Variants in COLEC12 observed in about 807,000 individuals in gnomAD.
The protein encoded by COLEC12 is collectin-12.
In COLEC12, 33 loss-of-function variants were observed where a neutral mutation model predicts 71.1. The ratio of observed to expected loss-of-function variants is 0.46; its 90% CI spans 0.35 to 0.62. The LOEUF is 0.62. COLEC12 is among the 20% of genes least tolerant of loss of function. The probability of loss-of-function intolerance (pLI) is 0.00; values close to 1 mark genes in which losing one functional copy is unlikely to be tolerated. For missense variants in COLEC12, 765 were observed against 916.1 expected, an observed-to-expected ratio of 0.84 and a Z score of 2.13; for synonymous variants, 350 against 353.0, an observed-to-expected ratio of 0.99 and a Z score of 0.10.
chr18:329,286 T>G (rs1913916053), intron 8 of COLEC12, among the ~76,000 whole-genome samples: 1 of 152,186 alleles, frequency 6.6e-6, no homozygotes. Context: ...GGGGAAAGGC[T>G]TAAGATTGAA....
At chr18:437,662 A>G (rs1182799435) in intron 2 of COLEC12, among the ~76,000 whole-genome samples, 4 of 152,226 alleles carry the variant, frequency 2.6e-5, no homozygotes, top group Non-Finnish European at 5.9e-5. Flanking sequence ...TCTGATTTGG[A>G]TAAGTGGCTT....
At chr18:321,540 G>T in intron 9 of COLEC12, 122 bp downstream of exon 9, 1 of 978,128 alleles carries the variant, frequency 1.0e-6, no homozygotes, top group Non-Finnish European at 1.5e-6. Context: ...GTTAATAAAT[G>T]GCATAACCAG....
intron 2 of COLEC12, among the ~76,000 whole-genome samples, chr18:432,943 A>G (rs1916334014): frequency 6.6e-6 from 1 of 152,172 alleles, no homozygotes; most frequent in Non-Finnish European, 1.5e-5. Flanking sequence ...TGTGTCACTG[A>G]GGAAGTTTTG....
intron 2 of COLEC12, among the ~76,000 whole-genome samples, chr18:450,038 A>G (rs755152397): frequency 9.2e-5 from 14 of 152,236 alleles, no homozygotes; most frequent in Admixed American, 4.6e-4. Context: ...TATTAGTAGA[A>G]TATTTAGTGA....
At chr18:353,170 A>C (rs1333753155) in intron 3 of COLEC12, among the ~76,000 whole-genome samples, 1 of 151,926 alleles carries the variant, frequency 6.6e-6, no homozygotes. Context: ...TCCGCTCCAC[A>C]CCTCACTACC....
Position 480,329 on chromosome 18 carries a change from G to A in COLEC12, c.58+378C>T, listed in dbSNP as rs970248975. ...CACTCATCCATGAACACTGGGTTAG[G>A]AGTGTAAGGCCTGAGCAAAGACGTT... On this transcript the variant is annotated intron_variant, in intron 2 of 9. Transcript: ENST00000400256. The surrounding 1 kb of genome is among the most constrained non-coding windows in gnomAD (Gnocchi z 4.1). 1.3e-5 allele frequency among the ~76,000 whole-genome samples: 2 copies of A among 152,226 alleles called. No individual in the cohort carries two copies. Among genetic ancestry groups the A allele is most frequent in the African/African-American group, 4.8e-5 (2 of 41,464 alleles).
At chr18:337,998 C>G (rs1038979799) in intron 5 of COLEC12, among the ~76,000 whole-genome samples, 1 of 152,186 alleles carries the variant, frequency 6.6e-6, no homozygotes, top group African/African-American at 2.4e-5. Context: ...TCCACTCTGA[C>G]TTTTGTCTTC....
chr18:435,304 G>A (rs971595024), intron 2 of COLEC12, among the ~76,000 whole-genome samples: 1 of 152,174 alleles, frequency 6.6e-6, no homozygotes, highest in African/African-American at 2.4e-5. Flanking sequence ...CCACATTGCT[G>A]GGGAGGCCTC....
chr18:318,212 C>A lies in COLEC12; in HGVS notation c.*1833G>T, dbSNP rs1203728659. ...AGCCAGGATGGTCTCGATCTCCTGA[C>A]CTTGTGATCCGTCCGCCTCGGCCTC... On this transcript the variant is annotated 3_prime_UTR_variant, in exon 10 of 10. Coordinates refer to ENST00000400256, the MANE Select transcript of COLEC12 (RefSeq NM_130386.3). 1 of 151,926 alleles carries A rather than the reference C, an allele frequency of 6.6e-6. No homozygotes were observed. The highest frequency in any genetic ancestry group is 2.4e-5 in the African/African-American group (1 of 41,320). The allele number at this position is 151,926 out of a possible 1,614,324, so 9.4% of individuals were successfully genotyped here.
At chr18:359,742 T>C (rs2143506523) in intron 2 of COLEC12, among the ~76,000 whole-genome samples, 1 of 152,322 alleles carries the variant, frequency 6.6e-6, no homozygotes, top group Middle Eastern at 3.4e-3. Flanking sequence ...CCTGTTTCCC[T>C]ATGTGTGTCT....
At chr18:368,782 C>T (rs532907187) in intron 2 of COLEC12, among the ~76,000 whole-genome samples, 22 of 152,256 alleles carry the variant, frequency 1.4e-4, no homozygotes, top group Non-Finnish European at 2.5e-4. Flanking sequence ...AGGAGAATGG[C>T]GTGAACCCGG....
intron 2 of COLEC12, among the ~76,000 whole-genome samples, chr18:441,024 G>A (rs559115417): frequency 3.5e-4 from 53 of 151,170 alleles, no homozygotes; most frequent in African/African-American, 1.2e-3. Context: ...CGAGGCGGGT[G>A]GATCACAAGG....
At chr18:338,984 A>ATTTTTTTTTTTTTTTTTTTTTTTTTT (rs33991062) in intron 5 of COLEC12, among the ~76,000 whole-genome samples, 1 of 144,490 alleles carries the variant, frequency 6.9e-6, no homozygotes, top group Non-Finnish European at 1.5e-5. Flanking sequence ...TATTGTCTTA[A>ATTTTTTTTTTTTTTTTTTTTTTTTTT]TTTTTTTTTT....
rs1255906402 is a variant in COLEC12 at position 327,866 on chromosome 18, G to A, written c.2063+3802C>T. Among the ~76,000 whole-genome samples the A allele has an allele frequency of 1.3e-5, 2 of 152,242 alleles. No individual in the cohort carries two copies. Among genetic ancestry groups the A allele is most frequent in the Non-Finnish European group, 2.9e-5 (2 of 68,046 alleles). On this transcript the variant is annotated intron_variant, in intron 8 of 9. Transcript: ENST00000400256. This position sits in a 1 kb window ranked among gnomAD's most constrained non-coding sequence, Gnocchi z 4.0. ...TTGGAAGAGTTTAAGAAGAACTGGT[G>A]CTAACTCTTCTTTGAATGTTTGGTA... is the stretch of plus-strand genomic sequence containing the variant.
chr18:483,395 G>A (rs922192455), intron 1 of COLEC12, among the ~76,000 whole-genome samples: 7 of 135,062 alleles, frequency 5.2e-5, no homozygotes, highest in South Asian at 2.4e-4. Flanking sequence ...GTGGGACTCC[G>A]TCTCAAAAAA....
At chr18:337,071 G>A (rs111808528) in intron 5 of COLEC12, among the ~76,000 whole-genome samples, 1,871 of 151,232 alleles carry the variant, frequency 0.012, 29 homozygotes, top group African/African-American at 0.035. Context: ...GGCTCTCACT[G>A]TGTTGCCAAG....
At chr18:487,064 G>A (rs1917533180) in intron 1 of COLEC12, among the ~76,000 whole-genome samples, 1 of 152,180 alleles carries the variant, frequency 6.6e-6, no homozygotes, top group South Asian at 2.1e-4. Context: ...AAGGGGGGGA[G>A]ACAAGCCAAA....
intron 4 of COLEC12, 33 bp downstream of exon 4, chr18:348,032 G>A (rs754305832): frequency 1.5e-6 from 2 of 1,371,128 alleles, no homozygotes; most frequent in South Asian, 2.3e-5. Context: ...GTAGAGTCAG[G>A]GGATTTCATG....
chr18:366,371 C>T (rs538231740), intron 2 of COLEC12, among the ~76,000 whole-genome samples: 1 of 152,270 alleles, frequency 6.6e-6, no homozygotes, highest in South Asian at 2.1e-4. Context: ...TGCTCATTTC[C>T]CCTCTGGGCT....
Sources: allele counts gnomAD v4.1 joint callset (sites outside exome capture counted in the v4.1 genomes callset), GRCh38; gene constraint gnomAD v4.1.1; non-coding constraint Gnocchi (gnomAD v3.1); transcripts MANE v1.5; gene names NCBI Gene and HGNC (gene_info 2026-07-23, HGNC 2026-07-21).